Variants in CRTAC1 observed in about 807,000 individuals in gnomAD.
CRTAC1 encodes the protein cartilage acidic protein 1, also known as acidic secreted protein in cartilage.
A neutral mutation model predicts 67.8 loss-of-function variants in CRTAC1; 37 were observed. The ratio of observed to expected loss-of-function variants is 0.55; its 90% confidence interval spans 0.42 to 0.72. The LOEUF is 0.72. CRTAC1 is among the 30% of genes least tolerant of loss of function. CRTAC1 has a pLI of 0.00. For missense variants in CRTAC1, 780 were observed against 931.6 expected (o/e 0.84, Z 2.12); for synonymous variants, 348 against 371.0 (o/e 0.94, Z 0.71).
chr10:98,003,523 C>T (rs764002830), intron 2 of CRTAC1, among the ~76,000 whole-genome samples: 54 of 152,208 alleles, frequency 3.5e-4, no homozygotes, highest in Non-Finnish European at 6.2e-4. Flanking sequence ...TGGGTTGAAT[C>T]CTTTTCACAC....
intron 13 of CRTAC1, among the ~76,000 whole-genome samples, chr10:97,882,042 TGA>T (rs1274267657): frequency 6.6e-6 from 1 of 152,242 alleles, no homozygotes; most frequent in Non-Finnish European, 1.5e-5. Flanking sequence ...TTTCAGCTCC[TGA>T]GAGTGGTATC....
At chr10:98,019,326 G>C (rs962889543) in intron 1 of CRTAC1, among the ~76,000 whole-genome samples, 6 of 152,172 alleles carry the variant, frequency 3.9e-5, no homozygotes, top group Admixed American at 3.3e-4. Flanking sequence ...TCCAGCCAAA[G>C]GCCCTTCCAT....
chr10:97,970,704 AAT>A (rs977018967), intron 2 of CRTAC1, among the ~76,000 whole-genome samples: 2 of 152,206 alleles, frequency 1.3e-5, no homozygotes, highest in African/African-American at 4.8e-5. Flanking sequence ...CTGACATATT[AAT>A]ATCTTTTGTA....
intron 14 of CRTAC1, chr10:97,871,327 C>T (rs1209730866): frequency 6.6e-6 from 1 of 152,234 alleles, no homozygotes; most frequent in Non-Finnish European, 1.5e-5. Flanking sequence ...CAGCTGCCCC[C>T]TTTCCCACCC....
chr10:97,934,605 C>A (rs1392133385), intron 3 of CRTAC1, among the ~76,000 whole-genome samples: 1 of 152,128 alleles, frequency 6.6e-6, no homozygotes, highest in Non-Finnish European at 1.5e-5. Flanking sequence ...TGTCGTGGCT[C>A]AGGGGAAAGC....
At chr10:98,002,426 G>T (rs1441442553) in intron 2 of CRTAC1, among the ~76,000 whole-genome samples, 1 of 152,110 alleles carries the variant, frequency 6.6e-6, no homozygotes, top group Non-Finnish European at 1.5e-5. Context: ...AGAGGCCTCT[G>T]TCCCCTTGGT....
intron 11 of CRTAC1, 125 bp from the exon 12 acceptor site, chr10:97,884,476 G>T: frequency 5.5e-6 from 5 of 905,080 alleles, no homozygotes; most frequent in Non-Finnish European, 8.4e-6. Flanking sequence ...TAAGTGCTAG[G>T]GAAATGGTGA....
chr10:97,922,626 G>A (rs564271656), intron 4 of CRTAC1, among the ~76,000 whole-genome samples: 19 of 152,320 alleles, frequency 1.2e-4, no homozygotes, highest in Middle Eastern at 3.4e-3. Flanking sequence ...CCCCCTCACC[G>A]GGCAGATGGC....
chr10:97,959,964 G>T (rs1458283816), intron 2 of CRTAC1, among the ~76,000 whole-genome samples: 1 of 152,230 alleles, frequency 6.6e-6, no homozygotes, highest in African/African-American at 2.4e-5. Context: ...CAGTGCCCAG[G>T]GTTTTTACTT....
chr10:97,941,684 T>G (rs2051179686), intron 2 of CRTAC1, among the ~76,000 whole-genome samples: 1 of 152,026 alleles, frequency 6.6e-6, no homozygotes, highest in Admixed American at 6.6e-5. Context: ...CCTCCAAAAA[T>G]GTTTCACAAA....
intron 1 of CRTAC1, among the ~76,000 whole-genome samples, chr10:98,016,874 G>A (rs1458964739): frequency 6.7e-6 from 1 of 149,886 alleles, no homozygotes; most frequent in Non-Finnish European, 1.5e-5. Context: ...GGGAGTGTCA[G>A]AGGAGGAGGG....
Position 97,865,725 on chromosome 10 carries a change from G to A in CRTAC1, c.1820-11C>T, listed in dbSNP as rs781652046. ...ACTGGCCGAGAGTCCCTGTAGGGAG[G>A]TGTATGGCCGGAGTGAGGGCCTTGC... On this transcript the variant is annotated splice_polypyrimidine_tract_variant and intron_variant, in intron 14 of 14. Transcript: ENST00000370597. 8.2e-6 allele frequency: 13 copies of A among 1,584,250 alleles called. No individual in the cohort carries two copies. The East Asian group carries it at 2.7e-4, about 33-fold the overall frequency.
At chr10:97,945,219 C>T (rs1416262758) in intron 2 of CRTAC1, among the ~76,000 whole-genome samples, 3 of 152,122 alleles carry the variant, frequency 2.0e-5, no homozygotes, top group Non-Finnish European at 2.9e-5. Flanking sequence ...GAGGCCTGGA[C>T]TAGTTGTGTT....
At chr10:97,950,488 G>T (rs1261085087) in intron 2 of CRTAC1, among the ~76,000 whole-genome samples, 1 of 152,220 alleles carries the variant, frequency 6.6e-6, no homozygotes, top group Non-Finnish European at 1.5e-5. Flanking sequence ...GTCCGGGGCT[G>T]GGCACAGGAC....
intron 4 of CRTAC1, among the ~76,000 whole-genome samples, chr10:97,918,369 A>G (rs952393172): frequency 1.3e-5 from 2 of 152,180 alleles, no homozygotes; most frequent in Non-Finnish European, 2.9e-5. Context: ...AGTCCAAAAC[A>G]CTGCTGATGA....
intron 11 of CRTAC1, among the ~76,000 whole-genome samples, chr10:97,891,998 C>A (rs1451362630): frequency 6.6e-6 from 1 of 152,174 alleles, no homozygotes; most frequent in Non-Finnish European, 1.5e-5. Flanking sequence ...CCCCTTAGAG[C>A]AGTTTGAGCC....
intron 2 of CRTAC1, among the ~76,000 whole-genome samples, chr10:97,942,971 C>T (rs2051199180): frequency 6.6e-6 from 1 of 151,792 alleles, no homozygotes; most frequent in East Asian, 1.9e-4. Context: ...ACTCAGGAGG[C>T]TGAGGTGGGA....
chr10:97,875,981 G>A (rs1294759061), intron 14 of CRTAC1: 2 of 152,204 alleles, frequency 1.3e-5, no homozygotes, highest in Non-Finnish European at 1.5e-5. Flanking sequence ...CCCGCCTGGC[G>A]AGGGGACTCT....
intron 3 of CRTAC1, among the ~76,000 whole-genome samples, chr10:97,930,393 A>T (rs1008433103): frequency 1.3e-5 from 2 of 152,142 alleles, no homozygotes; most frequent in Admixed American, 6.5e-5. Flanking sequence ...TGGCTGGGGG[A>T]TCAGGAGACC....
Sources: allele counts gnomAD v4.1 joint callset (sites outside exome capture counted in the v4.1 genomes callset), GRCh38; gene constraint gnomAD v4.1.1; transcripts MANE v1.5; gene names NCBI Gene and HGNC (gene_info 2026-07-23, HGNC 2026-07-21).